Variants in PAX9 observed in about 807,000 individuals in gnomAD.
The protein encoded by PAX9 is paired box 9.
PAX9 carries 6 observed loss-of-function variants against 29.1 expected under a neutral mutation model. The ratio of observed to expected loss-of-function variants is 0.21; its 90% CI spans 0.11 to 0.41. The LOEUF is 0.41. PAX9 is among the 10% of genes least tolerant of loss of function. The probability of loss-of-function intolerance (pLI) is 1.00; values close to 1 mark genes in which losing one functional copy is unlikely to be tolerated. For synonymous variants in PAX9, 217 were observed against 211.7 expected (o/e 1.03, Z -0.22); for missense variants, 443 against 479.1 (o/e 0.92, Z 0.70).
chr14:36,668,819 T>C, intron 3 of PAX9, among the ~76,000 whole-genome samples: 1 of 152,156 alleles, frequency 6.6e-6, no homozygotes, highest in Non-Finnish European at 1.5e-5. Flanking sequence ...TTTAAATAAT[T>C]GATATTCTGA....
Position 36,678,636 on chromosome 14 carries a change from G to C in PAX9, c.*2184G>C. 1 of 1,289,022 alleles carries C rather than the reference G, an allele frequency of 7.8e-7. No individual in the cohort carries two copies. Among genetic ancestry groups the C allele is most frequent in the Non-Finnish European group, 9.8e-7 (1 of 1,017,418 alleles). The allele number at this position is 1,289,022 out of a possible 1,614,324, so 79.8% of individuals were successfully genotyped here. On this transcript the variant is annotated 3_prime_UTR_variant, in exon 4 of 4. Coordinates refer to ENST00000361487, the MANE Select transcript of PAX9 (RefSeq NM_001372076.1). ...AACTATTCTTTATCAAATGTTTTTA[G>C]GTGGCTGTTAGGGGGCTTTAAAAAA...
chr14:36,666,279 A>C, intron 2 of PAX9, 183 bp from the exon 3 acceptor site: 1 of 681,798 alleles, frequency 1.5e-6, no homozygotes, highest in Non-Finnish European at 2.4e-6. Flanking sequence ...GTAAAACTTC[A>C]CCAGGCCCTG....
At position 36,676,855 on chromosome 14, in the gene PAX9, G is replaced by A. The variant is rs1036773148; in HGVS notation, c.*403G>A. ...TGAAATGTGCAATTGTTGAGATTTT[G>A]CAAAATCAATAAAGGAAAATACTTA... On this transcript the variant is annotated 3_prime_UTR_variant, in exon 4 of 4. Transcript: ENST00000361487. 1.8e-5 allele frequency: 4 copies of A among 227,306 alleles called. No homozygotes were observed. The highest frequency in any genetic ancestry group is 3.5e-5 in the Non-Finnish European group (4 of 112,816). 14.1% of individuals were successfully genotyped at this position (227,306 alleles called of 1,614,324 possible).
At chr14:36,667,404 T>A (rs1302163530) in intron 3 of PAX9, among the ~76,000 whole-genome samples, 1 of 151,594 alleles carries the variant, frequency 6.6e-6, no homozygotes, top group Non-Finnish European at 1.5e-5. Context: ...ATCACCGTCC[T>A]GGAGTCAAGA....
At chr14:36,675,343 C>A (rs999849681) in intron 3 of PAX9, among the ~76,000 whole-genome samples, 1 of 152,214 alleles carries the variant, frequency 6.6e-6, no homozygotes, top group Non-Finnish European at 1.5e-5. Context: ...GATGCCAAGA[C>A]AGCACTGGTT....
At chr14:36,657,802 T>C (rs1037917231), upstream of PAX9, 1 of 152,240 alleles carries the variant, frequency 6.6e-6, no homozygotes, top group African/African-American at 2.4e-5. Context: ...TGCCGGGCTA[T>C]TCTCCGAGCA....
At chr14:36,657,608 C>G (rs1266227839), upstream of PAX9, 1 of 152,222 alleles carries the variant, frequency 6.6e-6, no homozygotes, top group Non-Finnish European at 1.5e-5. Flanking sequence ...GCGACGAGCG[C>G]TCGCAGCCCG....
chr14:36,669,834 A>G (rs369600475), intron 3 of PAX9, among the ~76,000 whole-genome samples: 214 of 152,214 alleles, frequency 1.4e-3, no homozygotes, highest in African/African-American at 5.0e-3. Flanking sequence ...TTGCAGTGCC[A>G]TTCAGAAGTC....
chr14:36,659,222 G>A (rs1454634075), upstream of PAX9, among the ~76,000 whole-genome samples: 2 of 152,218 alleles, frequency 1.3e-5, no homozygotes, highest in South Asian at 2.1e-4. Flanking sequence ...TAACCAGGCG[G>A]CAGACTCCAG....
intron 3 of PAX9, among the ~76,000 whole-genome samples, chr14:36,673,296 A>G (rs1881763916): frequency 6.6e-6 from 1 of 152,188 alleles, no homozygotes; most frequent in South Asian, 2.1e-4. Context: ...ACTTTGAAAT[A>G]TTTAGTACTA....
upstream of PAX9, among the ~76,000 whole-genome samples, chr14:36,658,385 G>GT (rs1438362561): frequency 6.7e-6 from 1 of 149,076 alleles, no homozygotes; most frequent in Non-Finnish European, 1.5e-5. Context: ...GGGGGGGGGG[G>GT]TCCTGTCCCC....
intron 1 of PAX9, chr14:36,662,598 C>A (rs146487781): frequency 5.9e-6 from 3 of 504,984 alleles, no homozygotes; most frequent in African/African-American, 5.7e-5. Context: ...GCGTCAAGAC[C>A]GATTTCTCCC....
chr14:36,678,341 A>C lies in PAX9; in HGVS notation c.*1889A>C. On this transcript the variant is annotated 3_prime_UTR_variant, in exon 4 of 4. Coordinates refer to ENST00000361487, the MANE Select transcript of PAX9 (RefSeq NM_001372076.1). ...TTATAGAGAGCTTTGAACTGCATTT[A>C]TTTCTAAAGCAACCGAAATTCAGTG... 1.4e-6 allele frequency: 1 copy of C among 725,874 alleles called. No individual in the cohort carries two copies. The highest frequency in any genetic ancestry group is 1.8e-5 in the South Asian group (1 of 56,496). 45.0% of individuals were successfully genotyped at this position (725,874 alleles called of 1,614,324 possible).
chr14:36,673,108 C>T (rs1172046110), intron 3 of PAX9, among the ~76,000 whole-genome samples: 31 of 151,722 alleles, frequency 2.0e-4, no homozygotes, highest in African/African-American at 6.3e-4. Context: ...TCAGGCAATC[C>T]GCCCGCCTCA....
upstream of PAX9, among the ~76,000 whole-genome samples, chr14:36,658,383 G>T (rs1012047787): frequency 6.6e-6 from 1 of 151,650 alleles, no homozygotes; most frequent in Non-Finnish European, 1.5e-5. Context: ...TGGGGGGGGG[G>T]GGTCCTGTCC....
Position 36,678,114 on chromosome 14 carries a change from C to A in PAX9, c.*1662C>A. 4.7e-6 allele frequency: 1 copy of A among 211,496 alleles called. No homozygotes were observed. The highest frequency in any genetic ancestry group is 9.4e-6 in the Non-Finnish European group (1 of 106,086). 13.1% of individuals were successfully genotyped at this position (211,496 alleles called of 1,614,324 possible). A position where few individuals can be genotyped will look rare whatever the true frequency, so the allele number is the denominator to read the frequency against. Reference sequence around the variant, plus strand: ...GATATGGATGTTGAAGATGGATTCCCTAGGTGATTTTAATTTCTTCCGGTC... The same window carrying A: ...GATATGGATGTTGAAGATGGATTCCATAGGTGATTTTAATTTCTTCCGGTC... On this transcript the variant is annotated 3_prime_UTR_variant, in exon 4 of 4. Coordinates refer to ENST00000361487, the MANE Select transcript of PAX9 (RefSeq NM_001372076.1).
At chr14:36,676,123 G>T (rs778062003) in intron 3 of PAX9, 75 bp from the exon 4 acceptor site, 4 of 1,523,778 alleles carry the variant, frequency 2.6e-6, no homozygotes, top group Non-Finnish European at 3.6e-6. Context: ...CTTAAGTTCT[G>T]CTTCTTTCTA....
chr14:36,662,812 C>T (rs1328819340), intron 1 of PAX9, 85 bp from the exon 2 acceptor site: 3 of 1,528,292 alleles, frequency 2.0e-6, no homozygotes, highest in Non-Finnish European at 2.7e-6. Context: ...TCGCCCAGTC[C>T]CCGGATGCGT....
chr14:36,670,072 A>T (rs981169705), intron 3 of PAX9, among the ~76,000 whole-genome samples: 2 of 152,068 alleles, frequency 1.3e-5, no homozygotes, highest in Admixed American at 1.3e-4. Flanking sequence ...TTGCCCTTTT[A>T]GGAAGTATTT....
Sources: allele counts gnomAD v4.1 joint callset (sites outside exome capture counted in the v4.1 genomes callset), GRCh38; gene constraint gnomAD v4.1.1; transcripts MANE v1.5; gene names NCBI Gene and HGNC (gene_info 2026-07-23, HGNC 2026-07-21).